The following HIRA variants were observed in gnomAD, a reference collection of about 807,000 sequenced individuals.
The protein encoded by HIRA is histone cell cycle regulator.
HIRA carries 13 observed loss-of-function variants against 126.6 expected under a neutral mutation model. The ratio of observed to expected loss-of-function variants is 0.10; its 90% CI spans 0.07 to 0.16. The LOEUF is 0.16. Ranked by LOEUF, HIRA falls within the 10% of genes least tolerant of loss-of-function variation. The pLI, the probability that HIRA is intolerant of heterozygous loss-of-function variation, is 1.00. For synonymous variants in HIRA, 511 were observed against 520.0 expected, an observed-to-expected ratio of 0.98 and a Z score of 0.24; for missense variants, 834 against 1,314.4, an observed-to-expected ratio of 0.63 and a Z score of 5.65.
chr22:19,401,050 C>A (rs1299282206), intron 5 of HIRA, among the ~76,000 whole-genome samples: 1 of 152,256 alleles, frequency 6.6e-6, no homozygotes, highest in East Asian at 1.9e-4. Context: ...CACCACCACT[C>A]CCCCTTTTCT....
intron 1 of HIRA, among the ~76,000 whole-genome samples, chr22:19,429,349 G>C (rs2089513459): frequency 6.6e-6 from 1 of 152,022 alleles, no homozygotes; most frequent in Non-Finnish European, 1.5e-5. Context: ...TGTTGGCCAG[G>C]ATGGTCTCGA....
intron 1 of HIRA, among the ~76,000 whole-genome samples, chr22:19,422,173 C>CACACACACACACAG (rs1569314709): frequency 2.4e-5 from 3 of 126,318 alleles, no homozygotes; most frequent in Non-Finnish European, 4.7e-5. Flanking sequence ...TTTATATATA[C>CACACACACACACAG]ACACACACAC....
At chr22:19,401,845 T>C (rs933831004) in intron 5 of HIRA, among the ~76,000 whole-genome samples, 1 of 152,124 alleles carries the variant, frequency 6.6e-6, no homozygotes, top group Non-Finnish European at 1.5e-5. Flanking sequence ...ACCCCCATGG[T>C]AGAATCCACA....
Position 19,392,351 on chromosome 22 carries a change from C to T in HIRA, c.823-137G>A, listed in dbSNP as rs1483464600. On this transcript the variant is annotated intron_variant, in intron 8 of 24. Transcript: ENST00000263208. ...GGCACTGAGCATGCATTTCATCTTC[C>T]CGACCACCTATGAGGCATCTGGCTG... 1.5e-5 allele frequency: 8 copies of T among 551,222 alleles called. No homozygotes were observed. The East Asian group carries it at 2.3e-4, about 16-fold the overall frequency. 34.1% of individuals were successfully genotyped at this position (551,222 alleles called of 1,614,324 possible).
At chr22:19,363,431 A>AC (rs1252135360) in intron 15 of HIRA, among the ~76,000 whole-genome samples, 1 of 152,020 alleles carries the variant, frequency 6.6e-6, no homozygotes, top group African/African-American at 2.4e-5. Flanking sequence ...AAATAATGAG[A>AC]CCCCATCTCT....
At chr22:19,335,198 T>C (rs2146163453) in intron 24 of HIRA, among the ~76,000 whole-genome samples, 1 of 152,322 alleles carries the variant, frequency 6.6e-6, no homozygotes, top group Non-Finnish European at 1.5e-5. Flanking sequence ...TATGTTATAA[T>C]TACAAACTAC....
At chr22:19,405,501 C>T (rs2089300807) in intron 5 of HIRA, 1 of 985,246 alleles carries the variant, frequency 1.0e-6, no homozygotes, top group African/African-American at 1.7e-5. Context: ...TGATTCTGTT[C>T]AGCAGGACAA....
intron 8 of HIRA, 97 bp downstream of exon 8, chr22:19,394,245 G>A: frequency 3.6e-6 from 5 of 1,384,420 alleles, no homozygotes; most frequent in Non-Finnish European, 4.9e-6. Flanking sequence ...TGTAAAATTA[G>A]CTTTTAAATA....
intron 7 of HIRA, 58 bp downstream of exon 7, chr22:19,396,729 G>A (rs1355838035): frequency 6.3e-7 from 1 of 1,576,016 alleles, no homozygotes; most frequent in Admixed American, 1.7e-5. Flanking sequence ...GTACACAGAA[G>A]TCAGGAAGAG....
intron 5 of HIRA, among the ~76,000 whole-genome samples, chr22:19,404,172 A>G (rs939681353): frequency 6.6e-6 from 1 of 151,940 alleles, no homozygotes; most frequent in Non-Finnish European, 1.5e-5. Context: ...TTTCTTATTC[A>G]TTTACTTCTG....
At chr22:19,397,392 C>T (rs534096883) in intron 6 of HIRA, among the ~76,000 whole-genome samples, 3 of 152,350 alleles carry the variant, frequency 2.0e-5, no homozygotes, top group South Asian at 2.1e-4. Flanking sequence ...AATGCTACTC[C>T]GGTCTCTAAA....
intron 1 of HIRA, among the ~76,000 whole-genome samples, chr22:19,411,787 C>T (rs1296512737): frequency 6.6e-6 from 1 of 152,206 alleles, no homozygotes; most frequent in African/African-American, 2.4e-5. Context: ...GTACCAGAGT[C>T]ACCAGCCCTA....
Position 19,355,775 on chromosome 22 carries a change from G to A in HIRA, c.2546C>T (p.Pro849Leu), listed in dbSNP as rs140794627. The A allele has an allele frequency of 2.0e-4, 316 of 1,612,606 alleles. No individual in the cohort carries two copies. Among genetic ancestry groups the A allele is most frequent in the Non-Finnish European group, 2.5e-4 (293 of 1,178,686 alleles). The change falls in exon 21 of 25, where the codon CCG becomes CTG. Residue 849 changes from proline (P) to leucine (L), a missense_variant. By Grantham distance (98) the Pro-to-Leu change is moderately conservative. Transcript: ENST00000263208. ...GCTTGCTTACCATGTGGAAAGTGAC[G>A]GATTAAAGCAGTACGCCTTCCCATC... ...LSDGKAYCFN[P>L]SLSTWNLVSD...
chr22:19,418,564 G>A (rs893258953), intron 1 of HIRA, among the ~76,000 whole-genome samples: 13 of 142,574 alleles, frequency 9.1e-5, no homozygotes, highest in African/African-American at 2.4e-4. Flanking sequence ...CCTGGGAGGC[G>A]GAGCTTGCAG....
chr22:19,416,144 T>C lies in HIRA; in HGVS notation c.38-5366A>G, dbSNP rs117108865. On this transcript the variant is annotated intron_variant, in intron 1 of 24. Transcript: ENST00000263208. ...CATTCAATGGGGAAAGAACAGTCTC[T>C]TTTACAAATGGTGCTGCGAAAACTG... Among the ~76,000 whole-genome samples the C allele has an allele frequency of 3.3e-3, 509 of 152,264 alleles. 20 individuals carry two copies. The East Asian group carries it at 0.068, about 20-fold the overall frequency.
chr22:19,336,993 C>T (rs1365754677), intron 24 of HIRA, among the ~76,000 whole-genome samples: 1 of 152,148 alleles, frequency 6.6e-6, no homozygotes, highest in Non-Finnish European at 1.5e-5. Context: ...TCTATAATAC[C>T]TCCAAAAGAC....
chr22:19,402,213 A>G (rs1480854938), intron 5 of HIRA, among the ~76,000 whole-genome samples: 1 of 152,258 alleles, frequency 6.6e-6, no homozygotes, highest in Non-Finnish European at 1.5e-5. Context: ...AGAGAAGAAC[A>G]GTGCCTGGAA....
chr22:19,391,719 A>G (rs1405750390), intron 9 of HIRA, among the ~76,000 whole-genome samples: 1 of 152,030 alleles, frequency 6.6e-6, no homozygotes, highest in Non-Finnish European at 1.5e-5. Flanking sequence ...TGACCTTGTG[A>G]TCCGCCCACC....
intron 9 of HIRA, among the ~76,000 whole-genome samples, chr22:19,391,671 G>A (rs57988541): frequency 0.14 from 20,668 of 151,896 alleles, 2,791 homozygotes; most frequent in African/African-American, 0.35. Flanking sequence ...TAGTAGAGAC[G>A]GGGTTTCACT....
Sources: gnomAD v4.1 joint callset for allele counts (sites outside exome capture counted in the v4.1 genomes callset) on GRCh38, gnomAD v4.1.1 for gene constraint, MANE v1.5 for transcripts, NCBI Gene and HGNC (gene_info 2026-07-23, HGNC 2026-07-21) for gene names.